IMMP2L: variants seen among roughly 807,000 people sequenced by gnomAD.
IMMP2L encodes mitochondrial inner membrane protease subunit 2.
IMMP2L carries 18 observed loss-of-function variants against 19.3 expected under a neutral mutation model. The ratio of observed to expected loss-of-function variants is 0.93; its 90% CI spans 0.64 to 1.38. IMMP2L has a LOEUF of 1.38. Among genes scored for constraint, IMMP2L ranks in the 40% most tolerant of loss-of-function variants. The probability of loss-of-function intolerance (pLI) is 0.00; values close to 1 mark genes in which losing one functional copy is unlikely to be tolerated. For missense variants in IMMP2L, 233 were observed against 218.2 expected (o/e 1.07, Z -0.43); for synonymous variants, 76 against 73.0 (o/e 1.04, Z -0.21).
chr7:111,034,581 C>G (rs1484459419), intron 3 of IMMP2L, among the ~76,000 whole-genome samples: 1 of 151,972 alleles, frequency 6.6e-6, no homozygotes, highest in Non-Finnish European at 1.5e-5. Flanking sequence ...CCCATCTATG[C>G]CTAGGGAAAG....
At chr7:111,222,513 G>C (rs1812629586) in intron 3 of IMMP2L, among the ~76,000 whole-genome samples, 1 of 151,620 alleles carries the variant, frequency 6.6e-6, no homozygotes. Context: ...AGAAAAATGA[G>C]TAGGATAGAA....
At chr7:111,185,596 G>A (rs1353216473) in intron 3 of IMMP2L, among the ~76,000 whole-genome samples, 1 of 152,078 alleles carries the variant, frequency 6.6e-6, no homozygotes, top group Non-Finnish European at 1.5e-5. Flanking sequence ...TACTGAAGCT[G>A]AAAACTCACT....
chr7:111,472,430 G>C (rs1176640671), intron 3 of IMMP2L, among the ~76,000 whole-genome samples: 1 of 152,052 alleles, frequency 6.6e-6, no homozygotes, highest in African/African-American at 2.4e-5. Flanking sequence ...TATAGCTATA[G>C]TATATGATGA....
rs1447589572 is a variant in IMMP2L at position 111,123,769 on chromosome 7, C to A, written c.240-160204G>T. The A allele has an allele frequency of 6.2e-7, 1 of 1,613,928 alleles. No individual in the cohort carries two copies. Among genetic ancestry groups the A allele is most frequent in the Non-Finnish European group, 8.5e-7 (1 of 1,179,956 alleles). ...CATTCACCCCAATGCATTTTTCAGA[C>A]TCCCCAAGCTGGAATCACTCATGCT... On this transcript the variant is annotated intron_variant, in intron 3 of 5. Transcript: ENST00000405709. The surrounding 1 kb of genome is among the most constrained non-coding windows in gnomAD (Gnocchi z 6.4).
chr7:111,346,184 A>G (rs1827523169), intron 3 of IMMP2L, among the ~76,000 whole-genome samples: 1 of 152,172 alleles, frequency 6.6e-6, no homozygotes, highest in South Asian at 2.1e-4. Context: ...AAAGCCTAAT[A>G]TGGAAGACAT....
intron 3 of IMMP2L, among the ~76,000 whole-genome samples, chr7:111,016,891 A>AAT (rs1491223708): frequency 1.1e-5 from 1 of 90,736 alleles, no homozygotes; most frequent in Non-Finnish European, 1.9e-5. Flanking sequence ...TATTATATAT[A>AAT]ATATATATTA....
rs562507266 is a variant in IMMP2L, at chr7:110,783,928, A to T, written c.408+102665T>A. Among the ~76,000 whole-genome samples, 87 of 152,028 alleles carry T rather than the reference A, an allele frequency of 5.7e-4. 1 individual carries two copies. Among genetic ancestry groups the T allele is most frequent in the African/African-American group, 2.0e-3 (84 of 41,532 alleles). ...GGAGCTTTGGTCCCTCCATAAAAAGACATTGGACTAGCCTATCATTAAGTT... is the reference window on the plus strand; with the variant it reads ...GGAGCTTTGGTCCCTCCATAAAAAGTCATTGGACTAGCCTATCATTAAGTT... On this transcript the variant is annotated intron_variant, in intron 5 of 5. Transcript: ENST00000405709.
intron 3 of IMMP2L, among the ~76,000 whole-genome samples, chr7:111,009,548 C>T (rs543752002): frequency 6.6e-6 from 1 of 152,108 alleles, no homozygotes; most frequent in Admixed American, 6.6e-5. Flanking sequence ...TATACAAGAA[C>T]ACCTTGCAGT....
chr7:110,765,365 C>T (rs1431119936), intron 5 of IMMP2L, among the ~76,000 whole-genome samples: 1 of 152,124 alleles, frequency 6.6e-6, no homozygotes, highest in Non-Finnish European at 1.5e-5. Flanking sequence ...GACAAGATTA[C>T]TAATGAGATT....
chr7:111,316,816 G>T (rs1361259644), intron 3 of IMMP2L, among the ~76,000 whole-genome samples: 5 of 147,492 alleles, frequency 3.4e-5, no homozygotes, highest in Non-Finnish European at 7.5e-5. Context: ...AACCCAATGA[G>T]AGAGATATTG....
At chr7:111,391,920 CCTTGACCTCAGATATGCACTT>C (rs1415755135) in intron 3 of IMMP2L, 6 of 702,774 alleles carry the variant, frequency 8.5e-6, no homozygotes, top group Non-Finnish European at 1.6e-5. Flanking sequence ...CCCGCCTTGT[CCTTGACCTCAGATATGCACTT>C]CTTCAATCTT....
At chr7:111,453,352 C>T (rs548182557) in intron 3 of IMMP2L, among the ~76,000 whole-genome samples, 3 of 152,278 alleles carry the variant, frequency 2.0e-5, no homozygotes, top group East Asian at 1.9e-4. Flanking sequence ...GATGCCTTCT[C>T]CCCACTATGA....
intron 5 of IMMP2L, among the ~76,000 whole-genome samples, chr7:110,694,229 A>G (rs1793711636): frequency 6.6e-6 from 1 of 152,314 alleles, no homozygotes; most frequent in South Asian, 2.1e-4. Flanking sequence ...ATAGTTGGCT[A>G]AAAAAGAATA....
At chr7:110,844,943 T>G (rs2396281) in intron 5 of IMMP2L, among the ~76,000 whole-genome samples, 73,258 of 151,436 alleles carry the variant, frequency 0.48, 18,171 homozygotes, top group East Asian at 0.8. Flanking sequence ...AGAAAAAGAG[T>G]CCCAGGCACA....
intron 3 of IMMP2L, among the ~76,000 whole-genome samples, chr7:111,111,953 T>G (rs1420977884): frequency 4.5e-5 from 6 of 134,306 alleles, no homozygotes; most frequent in Non-Finnish European, 8.0e-5. Flanking sequence ...TTTTTTTTTT[T>G]TTTTTTTTTT....
chr7:110,914,914 G>A (rs956664646), intron 4 of IMMP2L, among the ~76,000 whole-genome samples: 7 of 152,024 alleles, frequency 4.6e-5, no homozygotes, highest in Non-Finnish European at 8.8e-5. Flanking sequence ...ATACCTATTA[G>A]GACGACTTAT....
chr7:111,242,828 A>C (rs1427999612), intron 3 of IMMP2L, among the ~76,000 whole-genome samples: 1 of 152,048 alleles, frequency 6.6e-6, no homozygotes, highest in African/African-American at 2.4e-5. Context: ...AAATTTATAA[A>C]TATTCCTCAA....
intron 5 of IMMP2L, among the ~76,000 whole-genome samples, chr7:110,751,856 C>T (rs953455446): frequency 5.9e-5 from 9 of 151,844 alleles, no homozygotes; most frequent in Admixed American, 3.9e-4. Context: ...TGAAAGAATA[C>T]ATGGATTATG....
chr7:110,891,830 G>A (rs962038191), intron 4 of IMMP2L, among the ~76,000 whole-genome samples: 10 of 152,074 alleles, frequency 6.6e-5, no homozygotes, highest in Non-Finnish European at 1.3e-4. Context: ...GAGAGCTAAA[G>A]AAATGGAAAA....
Sources: gnomAD v4.1 joint callset for allele counts (sites outside exome capture counted in the v4.1 genomes callset) on GRCh38, gnomAD v4.1.1 for gene constraint, Gnocchi (gnomAD v3.1) non-coding constraint, MANE v1.5 for transcripts, NCBI Gene and HGNC (gene_info 2026-07-23, HGNC 2026-07-21) for gene names.